DST: variants seen among roughly 807,000 people sequenced by gnomAD.
The protein encoded by DST is dystonin, also known as bullous pemphigoid antigen.
DST carries 253 observed loss-of-function variants against 875.2 expected under a neutral mutation model. That is an observed-to-expected ratio of 0.29 (90% CI 0.26 to 0.32). The LOEUF (loss-of-function observed/expected upper bound fraction) is 0.32. Ranked by LOEUF, DST falls within the 10% of genes least tolerant of loss-of-function variation. The pLI, the probability that DST is intolerant of heterozygous loss-of-function variation, is 1.00. For synonymous variants in DST, 3,124 were observed against 3,197.1 expected (o/e 0.98, Z 0.77); for missense variants, 8,287 against 9,111.6 (o/e 0.91, Z 3.68).
At chr6:56,637,780 C>T (rs2098840218) in intron 22 of DST, among the ~76,000 whole-genome samples, 1 of 152,024 alleles carries the variant, frequency 6.6e-6, no homozygotes, top group Admixed American at 6.6e-5. Flanking sequence ...ACTCGAGATG[C>T]TTTAATGACT....
intron 49 of DST, among the ~76,000 whole-genome samples, chr6:56,580,491 G>A (rs926806986): frequency 1.3e-5 from 2 of 152,102 alleles, no homozygotes; most frequent in Non-Finnish European, 2.9e-5. Flanking sequence ...TGAGGCTGCA[G>A]TGGGCTATGA....
chr6:56,704,228 T>C (rs2099323469), intron 6 of DST, 52 bp downstream of exon 6: 2 of 931,498 alleles, frequency 2.1e-6, no homozygotes, highest in Non-Finnish European at 3.3e-6. Context: ...ACTGGTCCTA[T>C]GCAGAAAAGA....
At chr6:56,497,813 C>A (rs2095972893) in intron 81 of DST, 43 bp downstream of exon 81, 4 of 1,515,734 alleles carry the variant, frequency 2.6e-6, no homozygotes, top group African/African-American at 2.8e-5. Flanking sequence ...CTATTTTGGT[C>A]TTGAATGCTA....
At chr6:56,797,757 G>T (rs2099741825) in intron 4 of DST, among the ~76,000 whole-genome samples, 2 of 148,968 alleles carry the variant, frequency 1.3e-5, no homozygotes, top group Admixed American at 6.7e-5. Flanking sequence ...AGCGGAGGTT[G>T]CAGTGAACCG....
chr6:56,493,563 A>T (rs1325588773), intron 83 of DST, among the ~76,000 whole-genome samples: 1 of 152,160 alleles, frequency 6.6e-6, no homozygotes, highest in Non-Finnish European at 1.5e-5. Flanking sequence ...ACAAAGACAT[A>T]TTCATAATTT....
At chr6:56,716,101 T>C (rs1193870270) in intron 5 of DST, among the ~76,000 whole-genome samples, 1 of 152,182 alleles carries the variant, frequency 6.6e-6, no homozygotes, top group Non-Finnish European at 1.5e-5. Context: ...AAAACTCTTA[T>C]CCATCTAAAT....
At chr6:56,498,568 G>GGT (rs2096001424) in intron 80 of DST, among the ~76,000 whole-genome samples, 1 of 151,960 alleles carries the variant, frequency 6.6e-6, no homozygotes, top group African/African-American at 2.4e-5. Context: ...ATAATTAAAA[G>GGT]GTTCTAAAAT....
At chr6:56,909,147 C>T (rs891699008) in intron 2 of DST, among the ~76,000 whole-genome samples, 1 of 152,132 alleles carries the variant, frequency 6.6e-6, no homozygotes, top group African/African-American at 2.4e-5. Context: ...TCTTGTTATT[C>T]AACGCATTAA....
intron 9 of DST, among the ~76,000 whole-genome samples, chr6:56,676,839 A>AAC (rs2099132926): frequency 6.6e-6 from 1 of 152,182 alleles, no homozygotes; most frequent in Non-Finnish European, 1.5e-5. Context: ...TTGAACTCAT[A>AAC]GAAGTGGGGA....
Position 56,609,341 on chromosome 6 carries a change from C to T in DST, c.5287G>A (p.Asp1763Asn), listed in dbSNP as rs2098524789. ...SGDVKVEEKL[D>N]KVIAGTIDQT... is the part of the protein sequence containing the mutation. ...TCAATGGTGCCTGCAATCACTTTAT[C>T]CAGCTGAAAGGAAAATGCAAAAATC... The change falls in exon 40 of 104, where the codon GAT (aspartate) becomes AAT (asparagine). Residue 1763 changes from aspartate (D) to asparagine (N), a missense_variant. Coordinates refer to ENST00000680361, the MANE Select transcript of DST (RefSeq NM_001374736.1). The T allele has an allele frequency of 1.9e-6, 3 of 1,591,434 alleles. No homozygotes were observed. Among genetic ancestry groups the T allele is most frequent in the Non-Finnish European group, 2.6e-6 (3 of 1,168,922 alleles).
rs45487998 is a variant in DST at position 56,618,881 on chromosome 6, T to G, written c.4930-4397A>C. On this transcript the variant is annotated intron_variant, in intron 36 of 103. Transcript: ENST00000680361. ...CTTTAAGTGTAATTCGTCTTGTACT[T>G]TTTTCAACCTGTTATTTAACTCTTG... 5,429 of 1,614,168 alleles carry G rather than the reference T, an allele frequency of 3.4e-3. 13 individuals are homozygous for G. Among genetic ancestry groups the G allele is most frequent in the Non-Finnish European group, 4.0e-3 (4,758 of 1,180,036 alleles).
At chr6:56,459,575 C>T (rs749021445) in intron 103 of DST, among the ~76,000 whole-genome samples, 15 of 152,148 alleles carry the variant, frequency 9.9e-5, no homozygotes, top group Admixed American at 2.0e-4. Flanking sequence ...ATTGTGCTTT[C>T]TAAAGTTTAA....
rs565334992 is a variant in DST at position 56,693,059 on chromosome 6, G to T, written c.1047+6594C>A. The T allele has an allele frequency of 1.5e-4, 188 of 1,289,698 alleles. No individual in the cohort carries two copies. In the African/African-American group the frequency reaches 2.5e-3, roughly 17 times the overall value. The allele number at this position is 1,289,698 out of a possible 1,614,324, so 79.9% of individuals were successfully genotyped here. A position where few individuals can be genotyped will look rare whatever the true frequency, so the allele number is the denominator to read the frequency against. On this transcript the variant is annotated intron_variant, in intron 9 of 103. Transcript: ENST00000680361. ...TTTCTTCTGAAATATTTTCTTCCAG[G>T]AGAGTATTTTTCAGGGTTCAAAGGA... is the stretch of plus-strand genomic sequence containing the variant.
intron 3 of DST, chr6:56,851,852 T>C (rs1158961315): frequency 1.3e-6 from 2 of 1,551,496 alleles, no homozygotes; most frequent in Admixed American, 2.0e-5. Context: ...TACATGAAGA[T>C]TTGCACGGAA....
At chr6:56,617,718 C>T (rs1248360427) in intron 36 of DST, among the ~76,000 whole-genome samples, 1 of 152,050 alleles carries the variant, frequency 6.6e-6, no homozygotes, top group Non-Finnish European at 1.5e-5. Flanking sequence ...TTTTTTGATA[C>T]TCACATTTTT....
intron 2 of DST, among the ~76,000 whole-genome samples, chr6:56,944,945 T>C (rs1818684337): frequency 6.6e-6 from 1 of 152,152 alleles, no homozygotes; most frequent in South Asian, 2.1e-4. Flanking sequence ...GCCCCTTCCC[T>C]TCCTTCCTTC....
intron 87 of DST, 128 bp downstream of exon 87, chr6:56,486,976 T>G (rs1438146667): frequency 1.2e-6 from 1 of 810,494 alleles, no homozygotes; most frequent in African/African-American, 1.7e-5. Flanking sequence ...GTGGGATACT[T>G]AGGACAAGCA....
intron 36 of DST, chr6:56,616,287 C>T: frequency 6.2e-7 from 1 of 1,614,048 alleles, no homozygotes; most frequent in Non-Finnish European, 8.5e-7. Context: ...GTTTTAGTAT[C>T]AGTCAGCATA....
chr6:56,472,543 G>C (rs1322523925), intron 93 of DST, among the ~76,000 whole-genome samples: 1 of 152,124 alleles, frequency 6.6e-6, no homozygotes, highest in Admixed American at 6.6e-5. Flanking sequence ...AGCATGCTGT[G>C]ATCCTCCACT....
Sources: allele counts gnomAD v4.1 joint callset (sites outside exome capture counted in the v4.1 genomes callset), GRCh38; gene constraint gnomAD v4.1.1; transcripts MANE v1.5; gene names NCBI Gene and HGNC (gene_info 2026-07-23, HGNC 2026-07-21).